Variants in GPHN observed in about 807,000 individuals in gnomAD.
GPHN encodes gephyrin.
Under a neutral mutation model 95.5 loss-of-function variants are expected in GPHN, and 17 were observed. That is an observed-to-expected ratio of 0.18 (90% CI 0.12 to 0.27). The LOEUF (loss-of-function observed/expected upper bound fraction) is 0.27, where lower values mean the gene tolerates loss of function less well. GPHN is among the 10% of genes least tolerant of loss of function. The pLI is 1.00. For synonymous variants in GPHN, 320 were observed against 322.5 expected (o/e 0.99, Z 0.08); for missense variants, 660 against 978.1 (o/e 0.67, Z 4.34).
chr14:67,403,454 T>A, the GPHN span, among the ~76,000 whole-genome samples: 1 of 152,362 alleles, frequency 6.6e-6, no homozygotes, highest in South Asian at 2.1e-4. Flanking sequence ...TGGGTGTTTT[T>A]GTCTGACTGT....
At chr14:67,086,714 A>G (rs929195958) in intron 11 of GPHN, among the ~76,000 whole-genome samples, 5 of 150,492 alleles carry the variant, frequency 3.3e-5, no homozygotes, top group African/African-American at 4.9e-5. Flanking sequence ...CCTATGAAAT[A>G]TATTGCTGTG....
chr14:67,708,834 C>A, the GPHN span, among the ~76,000 whole-genome samples: 3 of 148,136 alleles, frequency 2.0e-5, no homozygotes, highest in Non-Finnish European at 4.4e-5. Context: ...CATTCTGTCG[C>A]CAAGCTGGAG....
chr14:67,489,275 T>C, the GPHN span, among the ~76,000 whole-genome samples: 1 of 152,172 alleles, frequency 6.6e-6, no homozygotes. Context: ...CAAATCCCAG[T>C]CCTCAGCCTC....
At chr14:67,017,583 TATC>T (rs1021557651) in intron 9 of GPHN, among the ~76,000 whole-genome samples, 1 of 152,124 alleles carries the variant, frequency 6.6e-6, no homozygotes, top group Non-Finnish European at 1.5e-5. Flanking sequence ...CAAAAATTTC[TATC>T]ATCTCTGTCA....
the GPHN span, chr14:67,360,024 A>G: frequency 1.9e-6 from 1 of 523,000 alleles, no homozygotes. Context: ...CGCCAGGCCA[A>G]AGACTAGGAG....
At chr14:67,347,285 A>G in the GPHN span, 2 of 761,980 alleles carry the variant, frequency 2.6e-6, no homozygotes, top group Non-Finnish European at 4.3e-6. Context: ...GACTATATCA[A>G]ATAAGAGGAT....
chr14:67,574,314 C>T, the GPHN span: 1 of 1,606,070 alleles, frequency 6.2e-7, no homozygotes, highest in Non-Finnish European at 8.5e-7. This position sits in a 1 kb window ranked among gnomAD's most constrained non-coding sequence, Gnocchi z 4.2. Flanking sequence ...GATCCGAGTA[C>T]TCCAGAGCCT....
intron 4 of GPHN, among the ~76,000 whole-genome samples, chr14:66,864,760 G>A (rs968637004): frequency 6.7e-5 from 10 of 149,326 alleles, no homozygotes; most frequent in Admixed American, 1.3e-4. Flanking sequence ...GCAACAGAGC[G>A]AGACTCTGTC....
At chr14:66,856,983 A>G (rs2062830987) in intron 4 of GPHN, among the ~76,000 whole-genome samples, 2 of 152,164 alleles carry the variant, frequency 1.3e-5, no homozygotes, top group Non-Finnish European at 2.9e-5. Flanking sequence ...TGTTTATCAC[A>G]AAAACCAACA....
the GPHN span, among the ~76,000 whole-genome samples, chr14:67,212,896 C>T: frequency 2.7e-5 from 4 of 147,714 alleles, no homozygotes; most frequent in Non-Finnish European, 4.4e-5. Context: ...GATACAAGTG[C>T]CAAGACATTC....
At chr14:67,565,746 GA>G in the GPHN span, among the ~76,000 whole-genome samples, 1 of 152,192 alleles carries the variant, frequency 6.6e-6, no homozygotes, top group Non-Finnish European at 1.5e-5. Context: ...GAGAGGGGGT[GA>G]CATCAGGGTG....
chr14:67,155,187 A>C (rs929658255), intron 18 of GPHN, among the ~76,000 whole-genome samples: 2 of 152,224 alleles, frequency 1.3e-5, no homozygotes, highest in South Asian at 2.1e-4. Context: ...GCTATGCTTT[A>C]GGAATAAAGA....
At chr14:67,225,141 CCTT>C in the GPHN span, 12 of 1,584,864 alleles carry the variant, frequency 7.6e-6, no homozygotes, top group Non-Finnish European at 6.9e-6. Flanking sequence ...TATCAAATCT[CCTT>C]CTAATTTCCT....
intron 1 of GPHN, among the ~76,000 whole-genome samples, chr14:66,517,210 T>A (rs1410088729): frequency 1.3e-5 from 2 of 151,794 alleles, no homozygotes; most frequent in East Asian, 3.9e-4. Context: ...GAAGGAACAT[T>A]TACACGGTGG....
intron 17 of GPHN, among the ~76,000 whole-genome samples, chr14:67,138,950 C>T (rs1027411451): frequency 1.0e-4 from 14 of 138,098 alleles, no homozygotes; most frequent in Middle Eastern, 4.4e-3. Flanking sequence ...GGGCCAGGCA[C>T]GGTGGCTCAT....
chr14:67,042,248 CA>C (rs1382623812), intron 10 of GPHN, among the ~76,000 whole-genome samples: 46 of 152,024 alleles, frequency 3.0e-4, no homozygotes, highest in Admixed American at 3.0e-3. Flanking sequence ...TCCCATTTGT[CA>C]ATTTTGGCTT....
At chr14:67,522,190 GA>G in the GPHN span, among the ~76,000 whole-genome samples, 2 of 151,908 alleles carry the variant, frequency 1.3e-5, no homozygotes, top group African/African-American at 4.8e-5. Context: ...AACAAAAAAA[GA>G]AAAAAAGGAA....
intron 1 of GPHN, among the ~76,000 whole-genome samples, chr14:66,560,662 A>G (rs561250310): frequency 7.2e-4 from 110 of 152,316 alleles, no homozygotes; most frequent in Non-Finnish European, 1.4e-3. Context: ...GGGGTTTTCT[A>G]GATATGCGAT....
intron 4 of GPHN, among the ~76,000 whole-genome samples, chr14:66,848,932 G>A (rs912239980): frequency 2.6e-5 from 4 of 151,792 alleles, no homozygotes; most frequent in Non-Finnish European, 5.9e-5. Context: ...GGTTTTCTTA[G>A]TAATATCATC....
Sources: gnomAD v4.1 joint callset for allele counts (sites outside exome capture counted in the v4.1 genomes callset) on GRCh38, gnomAD v4.1.1 for gene constraint, Gnocchi (gnomAD v3.1) non-coding constraint, MANE v1.5 for transcripts, NCBI Gene and HGNC (gene_info 2026-07-23, HGNC 2026-07-21) for gene names.